DDR2: variants seen among roughly 807,000 people sequenced by gnomAD.
DDR2 encodes discoidin domain-containing receptor 2.
In DDR2, 27 loss-of-function variants were observed where a neutral mutation model predicts 94.9. The observed-to-expected ratio is 0.28, with a 90% CI of 0.21 to 0.39. DDR2 has a LOEUF of 0.39. Among genes scored for constraint, DDR2 ranks in the 10% least tolerant of loss-of-function variants. The pLI, the probability that DDR2 is intolerant of heterozygous loss-of-function variation, is 1.00. For missense variants in DDR2, 783 were observed against 1,076.0 expected (o/e 0.73, Z 3.81); for synonymous variants, 382 against 377.2 (o/e 1.01, Z -0.15).
In DDR2 at chr1:162,775,617, A is replaced by G. The variant is rs762371732; in HGVS notation, c.1857-35A>G. On this transcript the variant is annotated intron_variant, in intron 14 of 17. Coordinates refer to ENST00000367921, the MANE Select transcript of DDR2 (RefSeq NM_006182.4). ...CTCTCTCTTGATTCTGACTCTGGCA[A>G]CTTCTGAGTTTATCTATGTCTGTAT... The G allele has an allele frequency of 1.2e-5, 20 of 1,610,806 alleles. No individual in the cohort carries two copies. The African/African-American group carries it at 2.5e-4, about 20-fold the overall frequency.
chr1:162,675,861 A>G (rs1283639071), intron 2 of DDR2, among the ~76,000 whole-genome samples: 2 of 152,170 alleles, frequency 1.3e-5, no homozygotes, highest in Non-Finnish European at 2.9e-5. Flanking sequence ...GTAACTGAAC[A>G]TTTTGAGAGA....
At chr1:162,757,486 G>T (rs1021724649) in intron 7 of DDR2, among the ~76,000 whole-genome samples, 7 of 152,184 alleles carry the variant, frequency 4.6e-5, no homozygotes, top group South Asian at 4.1e-4. Flanking sequence ...TATTTATGTG[G>T]CAAAGTAGTG....
intron 1 of DDR2, among the ~76,000 whole-genome samples, chr1:162,637,260 A>C (rs1351416529): frequency 6.6e-6 from 1 of 152,170 alleles, no homozygotes; most frequent in Non-Finnish European, 1.5e-5. Flanking sequence ...TGGTATCCAC[A>C]TTGGGTTAAT....
intron 3 of DDR2, among the ~76,000 whole-genome samples, chr1:162,749,939 G>C (rs1663095953): frequency 6.6e-6 from 1 of 152,100 alleles, no homozygotes; most frequent in Non-Finnish European, 1.5e-5. Context: ...ATGCAGAAAA[G>C]GCCTTCAACA....
intron 3 of DDR2, among the ~76,000 whole-genome samples, chr1:162,725,504 A>G (rs947285278): frequency 2.6e-5 from 4 of 152,132 alleles, no homozygotes; most frequent in African/African-American, 9.7e-5. Flanking sequence ...TCAGCTCCCC[A>G]AGTAGCTGGG....
intron 1 of DDR2, among the ~76,000 whole-genome samples, chr1:162,638,628 A>G (rs1041463903): frequency 6.6e-6 from 1 of 152,214 alleles, no homozygotes; most frequent in South Asian, 2.1e-4. Context: ...AATGCCTTGC[A>G]GTACTGTAAC....
chr1:162,703,284 A>G (rs1314277017), intron 2 of DDR2, among the ~76,000 whole-genome samples: 1 of 152,204 alleles, frequency 6.6e-6, no homozygotes, highest in East Asian at 1.9e-4. Flanking sequence ...TAGAGATAAG[A>G]CTGAATCATA....
chr1:162,722,161 GGTA>G (rs1384509602), intron 3 of DDR2, among the ~76,000 whole-genome samples: 1 of 152,148 alleles, frequency 6.6e-6, no homozygotes, highest in African/African-American at 2.4e-5. Flanking sequence ...GAGTAGTGGT[GGTA>G]TGACAGAGAT....
chr1:162,717,740 C>T (rs953169722), intron 2 of DDR2, among the ~76,000 whole-genome samples: 14 of 152,100 alleles, frequency 9.2e-5, no homozygotes, highest in African/African-American at 3.4e-4. Flanking sequence ...GGGAGGAAGT[C>T]CACAGAGGTA....
chr1:162,778,486 G>A (rs922202368), intron 16 of DDR2, 94 bp from the exon 17 acceptor site: 3 of 1,486,354 alleles, frequency 2.0e-6, no homozygotes, highest in Non-Finnish European at 2.8e-6. Flanking sequence ...TGCCTGTGGT[G>A]GGGGAAGGGG....
intron 3 of DDR2, among the ~76,000 whole-genome samples, chr1:162,731,844 A>C (rs1011453404): frequency 2.0e-5 from 3 of 152,206 alleles, no homozygotes; most frequent in African/African-American, 7.2e-5. Context: ...GGGTCCCATA[A>C]TTCAGAAGTG....
intron 3 of DDR2, among the ~76,000 whole-genome samples, chr1:162,721,079 T>C (rs1173546256): frequency 9.2e-5 from 14 of 152,190 alleles, no homozygotes; most frequent in Non-Finnish European, 2.1e-4. Flanking sequence ...CAATCAATTG[T>C]TGATGTTTGG....
At chr1:162,706,571 A>G (rs1337437071) in intron 2 of DDR2, among the ~76,000 whole-genome samples, 1 of 152,172 alleles carries the variant, frequency 6.6e-6, no homozygotes, top group African/African-American at 2.4e-5. Flanking sequence ...GGTTAGACCC[A>G]AGCAAGGGCA....
At chr1:162,641,575 G>A (rs1467414878) in intron 1 of DDR2, among the ~76,000 whole-genome samples, 1 of 152,136 alleles carries the variant, frequency 6.6e-6, no homozygotes, top group African/African-American at 2.4e-5. Context: ...AACTCTCACT[G>A]TATATTAGAT....
At chr1:162,639,490 A>G (rs1657015658) in intron 1 of DDR2, among the ~76,000 whole-genome samples, 1 of 152,236 alleles carries the variant, frequency 6.6e-6, no homozygotes, top group Admixed American at 6.5e-5. Context: ...AAGCAACTCA[A>G]AGTGGATCAT....
rs2102207177 is a variant in DDR2, at chr1:162,778,719, A to G, written c.2423A>G (p.Gln808Arg). The G allele has an allele frequency of 2.5e-6, 4 of 1,613,884 alleles. No homozygotes were observed. Among genetic ancestry groups the G allele is most frequent in the Middle Eastern group, 1.7e-4 (1 of 6,058 alleles). Residue 808 changes from glutamine (Q) to arginine (R), a missense_variant, in exon 17 of 18, where the codon CAA becomes CGA. Gln to Arg is a conservative substitution (Grantham distance 43). Around this residue, in one of 2 missense-constraint regions of DDR2, gnomAD observed 264 missense variants for 428.2 expected, o/e 0.62. Coordinates refer to ENST00000367921, the MANE Select transcript of DDR2 (RefSeq NM_006182.4). Reference sequence around the variant, plus strand: ...AATACTGGAGAGTTCTTCCGAGACCAAGGGAGGCAGGTAAGAACTGTTGGG... The same window carrying G: ...AATACTGGAGAGTTCTTCCGAGACCGAGGGAGGCAGGTAAGAACTGTTGGG... ...IENTGEFFRDQGRQTYLPQPA... is the reference protein window; with the variant it reads ...IENTGEFFRDRGRQTYLPQPA...
intron 2 of DDR2, among the ~76,000 whole-genome samples, chr1:162,714,789 G>GTGCT (rs1231439130): frequency 6.6e-6 from 1 of 152,072 alleles, no homozygotes; most frequent in Non-Finnish European, 1.5e-5. Context: ...TTTTACTGAT[G>GTGCT]TGCTTATCAC....
chr1:162,719,497 G>C (rs956194923), intron 3 of DDR2, among the ~76,000 whole-genome samples: 1 of 152,062 alleles, frequency 6.6e-6, no homozygotes, highest in Non-Finnish European at 1.5e-5. Flanking sequence ...CTTCAGGTTG[G>C]TTTACCAGTT....
intron 12 of DDR2, 46 bp downstream of exon 12, chr1:162,770,558 A>G: frequency 6.3e-7 from 1 of 1,580,354 alleles, no homozygotes; most frequent in Non-Finnish European, 8.7e-7. Context: ...AAACCTCAGC[A>G]AGCATCAGGT....
Sources: gnomAD v4.1 joint callset for allele counts (sites outside exome capture counted in the v4.1 genomes callset) on GRCh38, gnomAD v4.1.1 for gene constraint, gnomAD v4.1.1 regional missense constraint, MANE v1.5 for transcripts, NCBI Gene and HGNC (gene_info 2026-07-23, HGNC 2026-07-21) for gene names.